Variants in RARS1 observed in about 807,000 individuals in gnomAD.
The protein encoded by RARS1 is arginine--tRNA ligase, cytoplasmic.
In RARS1, 75 loss-of-function variants were observed where a neutral mutation model predicts 78.7. That is an observed-to-expected ratio of 0.95 (90% CI 0.79 to 1.15). The LOEUF (loss-of-function observed/expected upper bound fraction) is 1.15, where lower values mean the gene tolerates loss of function less well. Among genes scored for constraint, RARS1 ranks in the 50% most tolerant of loss-of-function variants. The probability of loss-of-function intolerance (pLI) is 0.00; values close to 1 mark genes in which losing one functional copy is unlikely to be tolerated. For synonymous variants in RARS1, 273 were observed against 268.2 expected (o/e 1.02, Z -0.18); for missense variants, 787 against 787.5 (o/e 1.00, Z 0.01).
rs115461823 is a variant in RARS1, at chr5:168,493,794, G to T, written c.370-100G>T. 115 of 860,950 alleles carry T rather than the reference G, an allele frequency of 1.3e-4. No homozygotes were observed. In the African/African-American group the frequency reaches 1.7e-3, roughly 13 times the overall value. The allele number at this position is 860,950 out of a possible 1,614,324, so 53.3% of individuals were successfully genotyped here. A position where few individuals can be genotyped will look rare whatever the true frequency, so the allele number is the denominator to read the frequency against. On this transcript the variant is annotated intron_variant, in intron 3 of 14. Transcript: ENST00000231572. ...ACTTCTCTGCTTCTGCCTTTTGATGGTTCTTAACGTAAAATGCATCTCGTG... is the reference window on the plus strand; with the variant it reads ...ACTTCTCTGCTTCTGCCTTTTGATGTTTCTTAACGTAAAATGCATCTCGTG...
At position 168,518,062 on chromosome 5, in the gene RARS1, GGTGA is replaced by G; in HGVS notation, c.1873+4_1873+7del. On this transcript the variant is annotated splice_donor_variant and splice_donor_region_variant and intron_variant, in intron 14 of 14. Coordinates refer to ENST00000231572, the MANE Select transcript of RARS1 (RefSeq NM_002887.4). LOFTEE classifies it high-confidence loss of function. ...CTGTGTGGAGAAAGATAGACAGACT[GGTGA>G]GTGTCTTTTTTTTTTTTTTTTTTTT... 4.6e-6 allele frequency: 4 copies of G among 874,782 alleles called. No homozygotes were observed. Among genetic ancestry groups the G allele is most frequent in the Non-Finnish European group, 6.1e-6 (4 of 656,974 alleles). 54.2% of individuals were successfully genotyped at this position (874,782 alleles called of 1,614,324 possible). A position where few individuals can be genotyped will look rare whatever the true frequency, so the allele number is the denominator to read the frequency against.
chr5:168,495,440 T>C lies in RARS1; in HGVS notation c.701+4T>C. 1 of 1,612,404 alleles carries C rather than the reference T, an allele frequency of 6.2e-7. No homozygotes were observed. The highest frequency in any genetic ancestry group is 8.5e-7 in the Non-Finnish European group (1 of 1,178,874). On this transcript the variant is annotated splice_donor_region_variant and intron_variant, in intron 6 of 14. Coordinates refer to ENST00000231572, the MANE Select transcript of RARS1 (RefSeq NM_002887.4). Reference sequence around the variant, plus strand: ...TTGCAGGGTATGACGTGCTCAGGTATGTGCTCTTGCCTTGCGTACTATTCT... The same window carrying C: ...TTGCAGGGTATGACGTGCTCAGGTACGTGCTCTTGCCTTGCGTACTATTCT...
Position 168,517,133 on chromosome 5 carries a change from GTT to G in RARS1, c.1625+191_1625+192del, listed in dbSNP as rs372789566. Among the ~76,000 whole-genome samples the G allele has an allele frequency of 7.0e-3, 1,057 of 150,208 alleles. 9 individuals are homozygous for G. Among genetic ancestry groups the G allele is most frequent in the Non-Finnish European group, 0.011 (752 of 67,484 alleles). On this transcript the variant is annotated intron_variant, in intron 13 of 14. Transcript: ENST00000231572. ...CACCATTACACCTGACTTCTAAAGT[GTT>G]TTTTTTTGTTTGTTTGTTTATTTTT...
chr5:168,490,082 G>A (rs1758050329), intron 2 of RARS1, among the ~76,000 whole-genome samples: 2 of 152,168 alleles, frequency 1.3e-5, no homozygotes, highest in South Asian at 4.1e-4. Flanking sequence ...CCAAAGTGCT[G>A]GGATTACAGG....
At chr5:168,515,304 T>C (rs1213021613) in intron 12 of RARS1, among the ~76,000 whole-genome samples, 1 of 152,196 alleles carries the variant, frequency 6.6e-6, no homozygotes, top group African/African-American at 2.4e-5. Context: ...TATTTAGTTA[T>C]TTCATCTTGC....
chr5:168,518,964 A>T, intron 14 of RARS1, 117 bp from the exon 15 acceptor site: 1 of 685,166 alleles, frequency 1.5e-6, no homozygotes, highest in East Asian at 2.8e-5. Context: ...AAACCCAAAA[A>T]CATCTGTGGG....
At chr5:168,516,029 C>A (rs1401053865) in intron 12 of RARS1, among the ~76,000 whole-genome samples, 1 of 152,028 alleles carries the variant, frequency 6.6e-6, no homozygotes, top group East Asian at 1.9e-4. Context: ...GGTTCTGTCC[C>A]CTTTGTCCAC....
chr5:168,495,421 G>A lies in RARS1; in HGVS notation c.686G>A (p.Gly229Glu), dbSNP rs1342603497. 1 of 1,613,498 alleles carries A rather than the reference G, an allele frequency of 6.2e-7. No individual in the cohort carries two copies. Among genetic ancestry groups the A allele is most frequent in the Non-Finnish European group, 8.5e-7 (1 of 1,179,652 alleles). ...ATAAGCCGCCTCTTTGAATTTGCAG[G>A]GTATGACGTGCTCAGGTATGTGCTC... The part of the protein sequence containing the change: ...ESISRLFEFA[G>E]YDVLRLNHVG... The change falls in exon 6 of 15, where the codon GGG (glycine) becomes GAG (glutamate). Residue 229 changes from glycine (G) to glutamate (E), a missense_variant. Coordinates refer to ENST00000231572, the MANE Select transcript of RARS1 (RefSeq NM_002887.4).
At chr5:168,507,374 A>G (rs1287973587) in intron 11 of RARS1, among the ~76,000 whole-genome samples, 1 of 152,222 alleles carries the variant, frequency 6.6e-6, no homozygotes, top group Non-Finnish European at 1.5e-5. Flanking sequence ...ATAAAATAAA[A>G]AGGTAAATAC....
rs1463137522 is a variant in RARS1 at position 168,497,446 on chromosome 5, GGAGTTAA to G, written c.822+100_822+106del. ...TTAAAATGGTTTTTAAAGCTACTAT[GGAGTTAA>G]GTGAAAGTTGCTAACAGCCTTAGTA... On this transcript the variant is annotated intron_variant, in intron 7 of 14. Transcript: ENST00000231572. 6.2e-5 allele frequency: 66 copies of G among 1,068,948 alleles called. No individual in the cohort carries two copies. The Middle Eastern group carries it at 3.8e-3, about 61-fold the overall frequency. The allele number at this position is 1,068,948 out of a possible 1,614,324, so 66.2% of individuals were successfully genotyped here.
intron 9 of RARS1, 73 bp from the exon 10 acceptor site, chr5:168,505,948 G>C: frequency 8.7e-7 from 1 of 1,144,320 alleles, no homozygotes; most frequent in Non-Finnish European, 1.3e-6. Context: ...TATTTACATA[G>C]TAGAATGAGT....
At chr5:168,506,861 G>A in intron 11 of RARS1, 30 bp downstream of exon 11, 1 of 1,495,678 alleles carries the variant, frequency 6.7e-7, no homozygotes, top group Non-Finnish European at 9.3e-7. Context: ...AGATGGTAAT[G>A]ATATACTTGA....
chr5:168,502,384 A>ATATATATATATATATATATATTTT (rs1280220276), intron 9 of RARS1, among the ~76,000 whole-genome samples: 2 of 127,246 alleles, frequency 1.6e-5, no homozygotes, highest in African/African-American at 6.3e-5. Context: ...ATATATATAT[A>ATATATATATATATATATATATTTT]TTTTTTTTTT....
chr5:168,506,020 G>A lies in RARS1; in HGVS notation c.1058-1G>A. On this transcript the variant is annotated splice_acceptor_variant, in intron 9 of 14. Coordinates refer to ENST00000231572, the MANE Select transcript of RARS1 (RefSeq NM_002887.4). LOFTEE classifies it high-confidence loss of function. Reference sequence around the variant, plus strand: ...TTAATGAAGTGTTTTTTACCCCCTAGGATTTGTGCAGGTGGATGATGGCAG... The same window carrying A: ...TTAATGAAGTGTTTTTTACCCCCTAAGATTTGTGCAGGTGGATGATGGCAG... 6.3e-7 allele frequency: 1 copy of A among 1,593,746 alleles called. No homozygotes were observed. Among genetic ancestry groups the A allele is most frequent in the Non-Finnish European group, 8.5e-7 (1 of 1,173,060 alleles).
intron 6 of RARS1, among the ~76,000 whole-genome samples, chr5:168,496,661 T>G (rs1175294180): frequency 6.6e-6 from 1 of 151,840 alleles, no homozygotes; most frequent in East Asian, 2.0e-4. Context: ...TTTTTGTATT[T>G]TTAGTAGAGA....
chr5:168,486,991 TG>T (rs1757978135), intron 1 of RARS1, among the ~76,000 whole-genome samples: 1 of 152,066 alleles, frequency 6.6e-6, no homozygotes, highest in Admixed American at 6.6e-5. Flanking sequence ...AATAAGCCCA[TG>T]GGGTGATTCA....
At chr5:168,508,780 TC>T (rs35738082) in intron 11 of RARS1, among the ~76,000 whole-genome samples, 2 of 151,804 alleles carry the variant, frequency 1.3e-5, no homozygotes, top group African/African-American at 4.9e-5. Flanking sequence ...TTCCTGCTAT[TC>T]CTTGTACATC....
At chr5:168,508,945 A>G (rs576401579) in intron 11 of RARS1, among the ~76,000 whole-genome samples, 1 of 152,004 alleles carries the variant, frequency 6.6e-6, no homozygotes, top group Non-Finnish European at 1.5e-5. Flanking sequence ...TGCAAGCCCC[A>G]CTGTGGGAGT....
rs555990300 is a variant in RARS1 at position 168,516,632 on chromosome 5, C to T, written c.1453-146C>T. 7.1e-6 allele frequency: 5 copies of T among 700,070 alleles called. No individual in the cohort carries two copies. The East Asian group carries it at 1.3e-4, about 18-fold the overall frequency. 43.4% of individuals were successfully genotyped at this position (700,070 alleles called of 1,614,324 possible). A position where few individuals can be genotyped will look rare whatever the true frequency, so the allele number is the denominator to read the frequency against. ...ATTTTGTTTGTACATTGGCCCATGT[C>T]CTTCTGCCTCAGTGTCAGTGTTTAT... On this transcript the variant is annotated intron_variant, in intron 12 of 14. Coordinates refer to ENST00000231572, the MANE Select transcript of RARS1 (RefSeq NM_002887.4).
Sources: gnomAD v4.1 joint callset for allele counts (sites outside exome capture counted in the v4.1 genomes callset) on GRCh38, gnomAD v4.1.1 for gene constraint, MANE v1.5 for transcripts, NCBI Gene and HGNC (gene_info 2026-07-23, HGNC 2026-07-21) for gene names.